NUP88: variants seen among roughly 807,000 people sequenced by gnomAD.
NUP88 encodes nucleoporin 88.
Under a neutral mutation model 93.9 loss-of-function variants are expected in NUP88, and 57 were observed. That is an observed-to-expected ratio of 0.61 (90% confidence interval 0.49 to 0.76). The LOEUF (loss-of-function observed/expected upper bound fraction) is 0.76. NUP88 is among the 30% of genes least tolerant of loss of function. The pLI, the probability that NUP88 is intolerant of heterozygous loss-of-function variation, is 0.00. For missense variants in NUP88, 911 were observed against 901.0 expected (o/e 1.01, Z -0.14); for synonymous variants, 346 against 336.8 (o/e 1.03, Z -0.30).
chr17:5,405,246 A>G lies in NUP88; in HGVS notation c.858-3T>C. 1 of 1,610,752 alleles carries G rather than the reference A, an allele frequency of 6.2e-7. No homozygotes were observed. Among genetic ancestry groups the G allele is most frequent in the Non-Finnish European group, 8.5e-7 (1 of 1,178,234 alleles). ...ACAGCTTTCCAATATTTCCAGGGCT[A>G]AAGAAGGAGTAAAAACATATTTGGG... On this transcript the variant is annotated splice_polypyrimidine_tract_variant and splice_region_variant and intron_variant, in intron 5 of 16. Transcript: ENST00000573584.
At chr17:5,387,258 AT>A in intron 14 of NUP88, 127 bp downstream of exon 14, 1 of 1,242,018 alleles carries the variant, frequency 8.1e-7, no homozygotes, top group Non-Finnish European at 1.2e-6. Context: ...TCCCCAACAT[AT>A]ACTTCAGAGG....
chr17:5,396,482 T>C (rs1912783432), intron 8 of NUP88, among the ~76,000 whole-genome samples: 1 of 152,220 alleles, frequency 6.6e-6, no homozygotes, highest in African/African-American at 2.4e-5. Flanking sequence ...CTTTTCATTG[T>C]TGAATAATAC....
intron 1 of NUP88, among the ~76,000 whole-genome samples, chr17:5,418,407 C>G (rs1350918597): frequency 1.3e-5 from 2 of 151,966 alleles, no homozygotes; most frequent in Non-Finnish European, 2.9e-5. Flanking sequence ...GGGCGCGCCA[C>G]TACACCTGGC....
rs143697140 is a variant in NUP88, at chr17:5,397,680, G to A, written c.1291+1872C>T. On this transcript the variant is annotated intron_variant, in intron 8 of 16. Transcript: ENST00000573584. ...TGTTTTAAGCCACTAAGTCTGTGATGATTTACAACAGTAGCAGTAGAAAGC... is the reference window on the plus strand; with the variant it reads ...TGTTTTAAGCCACTAAGTCTGTGATAATTTACAACAGTAGCAGTAGAAAGC... Among the ~76,000 whole-genome samples, 394 of 152,292 alleles carry A rather than the reference G, an allele frequency of 2.6e-3. 2 individuals are homozygous for A. Among genetic ancestry groups the A allele is most frequent in the East Asian group, 0.014 (70 of 5,170 alleles).
chr17:5,414,934 T>A (rs1210855158), intron 2 of NUP88, among the ~76,000 whole-genome samples: 1 of 151,340 alleles, frequency 6.6e-6, no homozygotes, highest in Non-Finnish European at 1.5e-5. Context: ...GCCACTGCAC[T>A]CCAGCTTGGG....
Position 5,414,019 on chromosome 17 carries a change from T to C in NUP88, c.583A>G (p.Asn195Asp), listed in dbSNP as rs1292559554. Residue 195 changes from asparagine to aspartate, a missense_variant, in exon 3 of 17, where the codon AAC (asparagine) becomes GAC (aspartate). Asn to Asp is a conservative substitution (Grantham distance 23). Transcript: ENST00000573584. ...AGAAATAAAATTTACCTGATTACGT[T>C]GTCTGATGTTAACAGCACTACGTGG... ...DPHVVLLTSD[N>D]VIRIYSLREP... 6.2e-7 allele frequency: 1 copy of C among 1,613,614 alleles called. No homozygotes were observed. The highest frequency in any genetic ancestry group is 1.3e-5 in the African/African-American group (1 of 74,920).
intron 7 of NUP88, among the ~76,000 whole-genome samples, chr17:5,402,815 T>C (rs1913251159): frequency 6.6e-6 from 1 of 152,068 alleles, no homozygotes; most frequent in South Asian, 2.1e-4. Context: ...TTGGACGACA[T>C]GGCAAAATCC....
chr17:5,399,164 T>A (rs2151639588), intron 8 of NUP88, among the ~76,000 whole-genome samples: 1 of 149,892 alleles, frequency 6.7e-6, no homozygotes, highest in East Asian at 2.0e-4. Context: ...GTGCTGCGAC[T>A]ACAGGCGTGA....
chr17:5,410,848 T>C (rs1913801367), intron 3 of NUP88, 59 bp from the exon 4 acceptor site: 1 of 1,031,576 alleles, frequency 9.7e-7, no homozygotes, highest in Non-Finnish European at 1.5e-6. Context: ...TTCCCAAAAC[T>C]GCACTTTCCT....
rs1419260208 is a variant in NUP88 at position 5,385,890 on chromosome 17, A to G, written c.*316T>C. The G allele has an allele frequency of 1.7e-5, 5 of 291,778 alleles. No individual in the cohort carries two copies. The highest frequency in any genetic ancestry group is 1.5e-4 in the South Asian group (1 of 6,532). 18.1% of individuals were successfully genotyped at this position (291,778 alleles called of 1,614,324 possible). ...GTTTCTGGTGCTGCTACTTTAAAAC[A>G]CAGCTCACAAGAATAACTAACTTGC... On this transcript the variant is annotated 3_prime_UTR_variant, in exon 17 of 17. Coordinates refer to ENST00000573584, the MANE Select transcript of NUP88 (RefSeq NM_002532.6).
chr17:5,387,690 T>G lies in NUP88; in HGVS notation c.1770-20A>C, dbSNP rs761029050. 1.2e-6 allele frequency: 2 copies of G among 1,609,550 alleles called. No individual in the cohort carries two copies. The highest frequency in any genetic ancestry group is 1.1e-5 in the South Asian group (1 of 90,822). ...TTGACCCTTTAAAAACAAAAAGAAA[T>G]AGAGTTTATTCAGAAGCCAGGTCTA... On this transcript the variant is annotated intron_variant, in intron 12 of 16. Coordinates refer to ENST00000573584, the MANE Select transcript of NUP88 (RefSeq NM_002532.6).
intron 7 of NUP88, among the ~76,000 whole-genome samples, chr17:5,400,021 T>C (rs1341081261): frequency 1.3e-5 from 2 of 151,206 alleles, no homozygotes; most frequent in African/African-American, 2.4e-5. Flanking sequence ...TCAAAAAATA[T>C]GTACATACCT....
At chr17:5,415,872 C>T (rs951453579) in intron 2 of NUP88, among the ~76,000 whole-genome samples, 4 of 151,896 alleles carry the variant, frequency 2.6e-5, no homozygotes, top group African/African-American at 9.7e-5. Flanking sequence ...AGGCCAGGTG[C>T]GGTGGCTCAC....
chr17:5,407,364 T>G (rs923176015), intron 5 of NUP88, among the ~76,000 whole-genome samples: 1 of 152,234 alleles, frequency 6.6e-6, no homozygotes, highest in Non-Finnish European at 1.5e-5. Context: ...CACATGACAC[T>G]GTACTATAGT....
In NUP88 at chr17:5,387,940, C is replaced by T. The variant is rs183654255; in HGVS notation, c.1644-36G>A. ...AAGTTTCTACCTTTATTTTCCTTAG[C>T]TGAGTAAAACAACTGAAAATAAATA... On this transcript the variant is annotated intron_variant, in intron 11 of 16. Transcript: ENST00000573584. The T allele has an allele frequency of 2.9e-4, 457 of 1,566,042 alleles. 2 individuals carry two copies. In the African/African-American group the frequency reaches 6.2e-3, roughly 21 times the overall value.
chr17:5,410,678 T>C (rs1297941202), intron 4 of NUP88, 25 bp downstream of exon 4: 6 of 1,423,204 alleles, frequency 4.2e-6, no homozygotes, highest in South Asian at 2.4e-5. Context: ...TAAAAAACCA[T>C]TTCAAGACTC....
At chr17:5,397,209 T>G (rs1456959881) in intron 8 of NUP88, among the ~76,000 whole-genome samples, 1 of 152,026 alleles carries the variant, frequency 6.6e-6, no homozygotes, top group East Asian at 1.9e-4. Flanking sequence ...GCATGGTGGC[T>G]CACTCCTGTA....
rs1263219186 is a variant in NUP88, at chr17:5,419,606, C to G, written c.45G>C (p.Gln15His). ...ACACGACGTGGTTAGGAAGCCAGGTCTGCCACAGCTCGCCGTCGCCCACCG... is the reference window on the plus strand; with the variant it reads ...ACACGACGTGGTTAGGAAGCCAGGTGTGCCACAGCTCGCCGTCGCCCACCG... ...EGPVGDGELW[Q>H]TWLPNHVVFL... Residue 15 changes from glutamine (Q) to histidine (H), a missense_variant, in exon 1 of 17, where the codon CAG (glutamine) becomes CAC (histidine). Gln to His is a conservative substitution (Grantham distance 24). Coordinates refer to ENST00000573584, the MANE Select transcript of NUP88 (RefSeq NM_002532.6). 6.2e-7 allele frequency: 1 copy of G among 1,600,440 alleles called. No homozygotes were observed. The highest frequency in any genetic ancestry group is 8.5e-7 in the Non-Finnish European group (1 of 1,171,518).
intron 9 of NUP88, among the ~76,000 whole-genome samples, chr17:5,392,937 A>C (rs1254635877): frequency 6.6e-6 from 1 of 151,146 alleles, no homozygotes; most frequent in East Asian, 1.9e-4. Flanking sequence ...CCACAGGTAC[A>C]TGCTACCACA....
Sources: gnomAD v4.1 joint callset for allele counts (sites outside exome capture counted in the v4.1 genomes callset) on GRCh38, gnomAD v4.1.1 for gene constraint, MANE v1.5 for transcripts, NCBI Gene and HGNC (gene_info 2026-07-23, HGNC 2026-07-21) for gene names.